The following NDUFAF2 variants were observed in gnomAD, a reference collection of about 807,000 sequenced individuals.
NDUFAF2 encodes the protein NADH:ubiquinone oxidoreductase complex assembly factor 2.
A neutral mutation model predicts 22.8 loss-of-function variants in NDUFAF2; 13 were observed. That is an observed-to-expected ratio of 0.57 (90% CI 0.37 to 0.91). The LOEUF is 0.91. Ranked by LOEUF, NDUFAF2 falls within the 40% of genes least tolerant of loss-of-function variation. NDUFAF2 has a pLI of 0.01. For missense variants in NDUFAF2, 162 were observed against 195.2 expected (o/e 0.83, Z 1.01); for synonymous variants, 53 against 64.2 (o/e 0.83, Z 0.84).
intron 2 of NDUFAF2, among the ~76,000 whole-genome samples, chr5:61,078,319 A>C (rs1328998149): frequency 6.6e-6 from 1 of 152,214 alleles, no homozygotes; most frequent in Non-Finnish European, 1.5e-5. Flanking sequence ...ATGCATTTCA[A>C]ACTGAAAGTA....
At chr5:61,067,207 G>A (rs182786125) in intron 1 of NDUFAF2, among the ~76,000 whole-genome samples, 107 of 151,854 alleles carry the variant, frequency 7.0e-4, no homozygotes, top group Non-Finnish European at 1.2e-3. Flanking sequence ...TGTGCACAAC[G>A]TGCAGGTTTG....
chr5:61,042,753 T>G (rs1751899624), intron 1 of NDUFAF2, among the ~76,000 whole-genome samples: 1 of 152,222 alleles, frequency 6.6e-6, no homozygotes, highest in Admixed American at 6.5e-5. Context: ...ATGGTTACAT[T>G]CATTCAGACA....
At chr5:61,110,070 AT>A (rs1187732674) in intron 3 of NDUFAF2, among the ~76,000 whole-genome samples, 1 of 152,122 alleles carries the variant, frequency 6.6e-6, no homozygotes, top group Non-Finnish European at 1.5e-5. Context: ...CAATTGAATG[AT>A]CATAGAGTTT....
intron 1 of NDUFAF2, among the ~76,000 whole-genome samples, chr5:60,990,951 G>T (rs1184206144): frequency 6.6e-6 from 1 of 152,106 alleles, no homozygotes; most frequent in African/African-American, 2.4e-5. Context: ...CTAGCCCAAA[G>T]CTCCTACGAA....
chr5:61,124,441 T>C (rs193123264), intron 3 of NDUFAF2, among the ~76,000 whole-genome samples: 125 of 152,198 alleles, frequency 8.2e-4, no homozygotes, highest in Middle Eastern at 6.8e-3. Context: ...ATTTTGGACA[T>C]ATTACTCTCA....
chr5:61,081,232 A>G (rs1164819482), intron 2 of NDUFAF2, among the ~76,000 whole-genome samples: 1 of 152,140 alleles, frequency 6.6e-6, no homozygotes, highest in Non-Finnish European at 1.5e-5. Context: ...CTTTGTAACA[A>G]GTCTTGAAAT....
intron 3 of NDUFAF2, among the ~76,000 whole-genome samples, chr5:61,105,523 A>C (rs932460068): frequency 1.3e-5 from 2 of 150,760 alleles, no homozygotes; most frequent in African/African-American, 5.0e-5. Flanking sequence ...CAGCATGTTC[A>C]TACCTGTTAA....
chr5:61,089,493 G>C (rs1752541912), intron 2 of NDUFAF2, among the ~76,000 whole-genome samples: 1 of 152,238 alleles, frequency 6.6e-6, no homozygotes, highest in East Asian at 1.9e-4. Context: ...TTGGGAAATT[G>C]GGTATGATTT....
intron 1 of NDUFAF2, among the ~76,000 whole-genome samples, chr5:61,069,822 A>G (rs1752273926): frequency 6.6e-6 from 1 of 152,064 alleles, no homozygotes; most frequent in Non-Finnish European, 1.5e-5. Context: ...AATGGGCTCC[A>G]TATATTTCTA....
At chr5:61,097,613 C>A (rs1752660489) in intron 2 of NDUFAF2, among the ~76,000 whole-genome samples, 1 of 152,174 alleles carries the variant, frequency 6.6e-6, no homozygotes, top group Non-Finnish European at 1.5e-5. Flanking sequence ...CCAGTTCAAC[C>A]AGGGTTTAAT....
chr5:61,081,317 C>G (rs57541965), intron 2 of NDUFAF2, among the ~76,000 whole-genome samples: 3,258 of 152,224 alleles, frequency 0.021, 57 homozygotes, highest in Non-Finnish European at 0.032. Flanking sequence ...AATGTTTTTA[C>G]ACTTTAAATA....
chr5:61,014,546 G>A (rs942432630), intron 1 of NDUFAF2, among the ~76,000 whole-genome samples: 1 of 152,100 alleles, frequency 6.6e-6, no homozygotes, highest in Non-Finnish European at 1.5e-5. Context: ...ATTTATAACT[G>A]GTTGGTAGGA....
intron 3 of NDUFAF2, among the ~76,000 whole-genome samples, chr5:61,134,213 T>A (rs1405596622): frequency 1.3e-5 from 2 of 151,780 alleles, no homozygotes; most frequent in African/African-American, 4.8e-5. Context: ...GAGAAAGAGA[T>A]GCACATGTAT....
At chr5:61,027,605 G>C (rs1389970495) in intron 1 of NDUFAF2, among the ~76,000 whole-genome samples, 2 of 151,916 alleles carry the variant, frequency 1.3e-5, no homozygotes, top group Non-Finnish European at 2.9e-5. Context: ...TCCTTTCACA[G>C]CATTACTCAG....
At chr5:61,137,253 C>T (rs1740974770) in intron 3 of NDUFAF2, among the ~76,000 whole-genome samples, 1 of 152,228 alleles carries the variant, frequency 6.6e-6, no homozygotes, top group South Asian at 2.1e-4. Flanking sequence ...ATTTCCAGCA[C>T]TGGCCTCTCT....
intron 3 of NDUFAF2, among the ~76,000 whole-genome samples, chr5:61,135,773 C>A (rs1740916823): frequency 6.6e-6 from 1 of 151,764 alleles, no homozygotes; most frequent in African/African-American, 2.4e-5. Context: ...TGTAATTAGC[C>A]AGAATCACGT....
In NDUFAF2 at chr5:61,082,913, T is replaced by C. The variant is rs762260162; in HGVS notation, c.217+9699T>C. ...GTAATGGGATTGCTGGGTCAAGTGA[T>C]AGTTCTATTTTTATTAGTAGTTCTT... On this transcript the variant is annotated intron_variant, in intron 2 of 3. Coordinates refer to ENST00000296597, the MANE Select transcript of NDUFAF2 (RefSeq NM_174889.5). Among the ~76,000 whole-genome samples the C allele has an allele frequency of 3.9e-5, 6 of 152,192 alleles. No individual in the cohort carries two copies. In the South Asian group the frequency reaches 6.2e-4, roughly 16 times the overall value.
chr5:61,008,251 A>C (rs1751397888), intron 1 of NDUFAF2, among the ~76,000 whole-genome samples: 1 of 152,016 alleles, frequency 6.6e-6, no homozygotes, highest in Non-Finnish European at 1.5e-5. Flanking sequence ...ATGTATACAT[A>C]TGTAACTAAC....
intron 1 of NDUFAF2, among the ~76,000 whole-genome samples, chr5:61,043,703 A>ATGTGTG (rs201326548): frequency 1.5e-5 from 2 of 131,722 alleles, no homozygotes; most frequent in Admixed American, 7.4e-5. Context: ...GTGTGTGTGT[A>ATGTGTG]TGTGTGTGTG....
Sources: allele counts gnomAD v4.1 joint callset (sites outside exome capture counted in the v4.1 genomes callset), GRCh38; gene constraint gnomAD v4.1.1; transcripts MANE v1.5; gene names NCBI Gene and HGNC (gene_info 2026-07-23, HGNC 2026-07-21).